Variants in KALRN observed in about 807,000 individuals in gnomAD.
KALRN encodes the protein kalirin RhoGEF kinase.
KALRN carries 70 observed loss-of-function variants against 353.7 expected under a neutral mutation model. That is an observed-to-expected ratio of 0.20 (90% CI 0.16 to 0.24). KALRN has a LOEUF of 0.24. Ranked by LOEUF, KALRN falls within the 10% of genes least tolerant of loss-of-function variation. The pLI is 1.00. For synonymous variants in KALRN, 1,391 were observed against 1,434.8 expected, an observed-to-expected ratio of 0.97 and a Z score of 0.69; for missense variants, 2,791 against 3,756.7, an observed-to-expected ratio of 0.74 and a Z score of 6.72.
chr3:124,050,468 C>A (rs1205999525), intron 1 of KALRN, among the ~76,000 whole-genome samples: 1 of 152,214 alleles, frequency 6.6e-6, no homozygotes, highest in Non-Finnish European at 1.5e-5. Context: ...CACACCACAA[C>A]TGGTGAAAAG....
In KALRN at chr3:124,142,758, C is replaced by T. The variant is rs77455310; in HGVS notation, c.74-85232C>T. ...CCTCCCCTCTTTCCATCTCCACCCC[C>T]CACCCACTCCCTGCACCATGCCGCT... On this transcript the variant is annotated intron_variant, in intron 1 of 59. Coordinates refer to ENST00000682506, the MANE Select transcript of KALRN (RefSeq NM_001388419.1). 3.0e-4 allele frequency among the ~76,000 whole-genome samples: 45 copies of T among 152,162 alleles called. No individual in the cohort carries two copies. In the East Asian group the frequency reaches 8.5e-3, roughly 29 times the overall value.
Position 124,268,850 on chromosome 3 carries a change from G to T in KALRN, c.564G>T (p.Leu188=), listed in dbSNP as rs1267557062. Residue 188 remains leucine (L), a synonymous_variant, in exon 5 of 60, where the codon CTG becomes CTT. Coordinates refer to ENST00000682506, the MANE Select transcript of KALRN (RefSeq NM_001388419.1). ...ACAACCATGAGGAGTGGATCGAACT[G>T]CGGCTCTCCCTGGAGGAGTTCTTCA... The part of the protein sequence containing the change: ...LDYNHEEWIE[L]RLSLEEFFNS... 1.9e-6 allele frequency: 3 copies of T among 1,614,046 alleles called. No homozygotes were observed. Among genetic ancestry groups the T allele is most frequent in the Non-Finnish European group, 2.5e-6 (3 of 1,180,036 alleles).
chr3:124,261,231 C>T (rs909272753), intron 3 of KALRN, among the ~76,000 whole-genome samples: 9 of 152,088 alleles, frequency 5.9e-5, no homozygotes, highest in Non-Finnish European at 4.4e-5. Flanking sequence ...TTCGCTTAGC[C>T]ACTTACTAGT....
rs1490529280 is a variant in KALRN, at chr3:124,655,573, C to G, written c.5796-28C>G. ...TTTTTGGCTTAACAATGAAGAGGAA[C>G]ACTCACTGTTCTTAATCTCCTGCTC... On this transcript the variant is annotated intron_variant, in intron 38 of 59. Coordinates refer to ENST00000682506, the MANE Select transcript of KALRN (RefSeq NM_001388419.1). The G allele has an allele frequency of 2.5e-6, 4 of 1,582,790 alleles. No individual in the cohort carries two copies. In the Admixed American group the frequency reaches 6.7e-5, roughly 26 times the overall value.
intron 13 of KALRN, among the ~76,000 whole-genome samples, chr3:124,402,650 T>C (rs1330838460): frequency 2.0e-5 from 3 of 152,204 alleles, no homozygotes; most frequent in African/African-American, 4.8e-5. Context: ...GCCTTCTCAA[T>C]TTTTTTGAAC....
At chr3:124,318,473 C>T (rs1334133470) in intron 6 of KALRN, among the ~76,000 whole-genome samples, 2 of 152,154 alleles carry the variant, frequency 1.3e-5, no homozygotes, top group Non-Finnish European at 2.9e-5. Flanking sequence ...GTGGGATCAG[C>T]AGGTTTACAT....
At chr3:124,184,498 G>T (rs979995034) in intron 1 of KALRN, among the ~76,000 whole-genome samples, 4 of 152,124 alleles carry the variant, frequency 2.6e-5, no homozygotes, top group African/African-American at 9.7e-5. Context: ...CTTCCCCTGT[G>T]TTCTAGCCCT....
At chr3:124,100,709 G>A (rs1017362453) in intron 1 of KALRN, among the ~76,000 whole-genome samples, 23 of 152,212 alleles carry the variant, frequency 1.5e-4, no homozygotes, top group Admixed American at 1.5e-3. Flanking sequence ...CTACCACAAA[G>A]TGTTTTGGAT....
At chr3:124,485,058 T>A (rs897054821) in intron 28 of KALRN, among the ~76,000 whole-genome samples, 1 of 152,258 alleles carries the variant, frequency 6.6e-6, no homozygotes, top group South Asian at 2.1e-4. Flanking sequence ...ATCATGCCAC[T>A]GCACTACACC....
intron 1 of KALRN, among the ~76,000 whole-genome samples, chr3:124,207,983 A>G (rs940746129): frequency 1.3e-5 from 2 of 152,126 alleles, no homozygotes; most frequent in African/African-American, 4.8e-5. Flanking sequence ...TGCTGGCTTT[A>G]CCAGCTGGGC....
In KALRN at chr3:124,723,729, A is replaced by C. The variant is rs1477828799; in HGVS notation, c.*4259A>C. 2 of 152,188 alleles carry C rather than the reference A, an allele frequency of 1.3e-5. No individual in the cohort carries two copies. Among genetic ancestry groups the C allele is most frequent in the Non-Finnish European group, 2.9e-5 (2 of 68,030 alleles). The allele number at this position is 152,188 out of a possible 1,614,324, so 9.4% of individuals were successfully genotyped here. A position where few individuals can be genotyped will look rare whatever the true frequency, so the allele number is the denominator to read the frequency against. On this transcript the variant is annotated 3_prime_UTR_variant, in exon 60 of 60. Coordinates refer to ENST00000682506, the MANE Select transcript of KALRN (RefSeq NM_001388419.1). ...CGAAAAGGGTTAGGAGAGCTGATGA[A>C]GTCTTATGTCCATAAGTTGTTTTCT...
At chr3:124,190,911 C>T (rs2074827096) in intron 1 of KALRN, among the ~76,000 whole-genome samples, 1 of 152,162 alleles carries the variant, frequency 6.6e-6, no homozygotes, top group African/African-American at 2.4e-5. Flanking sequence ...TAAGTGTCCC[C>T]AACTTCAGAT....
chr3:124,225,143 G>C (rs922792366), intron 1 of KALRN, among the ~76,000 whole-genome samples: 6 of 152,166 alleles, frequency 3.9e-5, no homozygotes, highest in Non-Finnish European at 7.3e-5. Context: ...TGGGGGAATT[G>C]ATATGATACA....
chr3:124,153,330 A>C (rs1337004016), intron 1 of KALRN, among the ~76,000 whole-genome samples: 1 of 138,420 alleles, frequency 7.2e-6, no homozygotes, highest in Non-Finnish European at 1.5e-5. Flanking sequence ...ATGTGTTCTC[A>C]TTGTTCAATT....
chr3:124,580,327 A>C lies in KALRN; in HGVS notation c.5182+17238A>C, dbSNP rs1270506151. On this transcript the variant is annotated intron_variant, in intron 34 of 59. Transcript: ENST00000682506. ...TTTTAAAATACTTGCGCCCAGTTGCACCCAAAGTCAATTGATCTAAATCTC... is the reference window on the plus strand; with the variant it reads ...TTTTAAAATACTTGCGCCCAGTTGCCCCCAAAGTCAATTGATCTAAATCTC... Among the ~76,000 whole-genome samples the C allele has an allele frequency of 3.4e-5, 4 of 117,534 alleles. 1 individual carries two copies. Among genetic ancestry groups the C allele is most frequent in the Middle Eastern group, 5.2e-3 (1 of 192 alleles). The allele number at this position is 117,534 out of a possible 152,430, so 77.1% of individuals were successfully genotyped here.
intron 4 of KALRN, among the ~76,000 whole-genome samples, chr3:124,267,268 G>T (rs13064819): frequency 6.6e-6 from 1 of 152,050 alleles, no homozygotes; most frequent in Non-Finnish European, 1.5e-5. Flanking sequence ...ATTTGAAGGA[G>T]AAAGTACTTT....
intron 33 of KALRN, among the ~76,000 whole-genome samples, chr3:124,560,460 A>G (rs1279020112): frequency 6.6e-6 from 1 of 152,250 alleles, no homozygotes; most frequent in Non-Finnish European, 1.5e-5. Flanking sequence ...AGGTGGAATC[A>G]AATTAGTGGG....
intron 1 of KALRN, among the ~76,000 whole-genome samples, chr3:124,106,158 G>C (rs997274631): frequency 2.0e-5 from 3 of 152,212 alleles, no homozygotes; most frequent in African/African-American, 7.2e-5. Context: ...AAAGAGTGCA[G>C]ATGGAAGTGG....
intron 34 of KALRN, among the ~76,000 whole-genome samples, chr3:124,589,730 G>A (rs1273125885): frequency 6.6e-6 from 1 of 152,190 alleles, no homozygotes; most frequent in Non-Finnish European, 1.5e-5. Flanking sequence ...AGCATATACA[G>A]TTGTCCCTCA....
Sources: allele counts gnomAD v4.1 joint callset (sites outside exome capture counted in the v4.1 genomes callset), GRCh38; gene constraint gnomAD v4.1.1; transcripts MANE v1.5; gene names NCBI Gene and HGNC (gene_info 2026-07-23, HGNC 2026-07-21).